The following TENM1 variants were observed in gnomAD, a reference collection of about 807,000 sequenced individuals.
The protein encoded by TENM1 is teneurin-1.
TENM1 carries 35 observed loss-of-function variants against 174.8 expected under a neutral mutation model. That is an observed-to-expected ratio of 0.20 (90% confidence interval 0.15 to 0.27). TENM1 has a LOEUF of 0.27. TENM1 is among the 10% of genes least tolerant of loss of function. The pLI is 1.00. For synonymous variants in TENM1, 781 were observed against 798.7 expected (o/e 0.98, Z 0.37); for missense variants, 1,633 against 2,130.1 (o/e 0.77, Z 4.59).
chrX:124,633,172 T>G (rs1241190741), intron 11 of TENM1, among the ~76,000 whole-genome samples: 1 of 112,115 alleles, frequency 8.9e-6, no homozygotes, highest in Non-Finnish European at 1.9e-5. Flanking sequence ...GAATAAGAGT[T>G]GAAGGAAGGG....
chrX:125,155,158 C>A, the TENM1 span, among the ~76,000 whole-genome samples: 1 of 111,059 alleles, frequency 9.0e-6, no homozygotes, highest in Admixed American at 9.5e-5. Context: ...CAAAGGTTGT[C>A]CACGTCCCCA....
chrX:125,173,163 G>A, the TENM1 span, among the ~76,000 whole-genome samples: 1 of 111,363 alleles, frequency 9.0e-6, no homozygotes, highest in Non-Finnish European at 1.9e-5. Context: ...TTTATAAACA[G>A]ACATGAAAAC....
At chrX:124,403,874 G>C (rs1490291351) in intron 27 of TENM1, among the ~76,000 whole-genome samples, 2 of 111,047 alleles carry the variant, frequency 1.8e-5, no homozygotes, top group African/African-American at 6.6e-5. Flanking sequence ...CCTGCTACCT[G>C]CTCTGCCCTG....
the TENM1 span, among the ~76,000 whole-genome samples, chrX:125,200,654 TGA>T: frequency 6.2e-4 from 57 of 92,289 alleles, no homozygotes; most frequent in African/African-American, 1.5e-3. Flanking sequence ...TGTGTGTGTG[TGA>T]GAGAGAGAGA....
At chrX:124,815,788 A>AAACAATCTG (rs745406650) in intron 3 of TENM1, among the ~76,000 whole-genome samples, 36 of 111,642 alleles carry the variant, frequency 3.2e-4, no homozygotes, top group African/African-American at 1.1e-3. Context: ...TTATTGAATG[A>AAACAATCTG]AACAATCTGA....
At chrX:124,425,061 C>T (rs932521711) in intron 23 of TENM1, among the ~76,000 whole-genome samples, 4 of 111,775 alleles carry the variant, frequency 3.6e-5, no homozygotes, top group Non-Finnish European at 5.6e-5. Flanking sequence ...TATGTTGCCA[C>T]AAATGACAGA....
intron 14 of TENM1, among the ~76,000 whole-genome samples, chrX:124,547,811 A>G (rs552229128): frequency 8.9e-6 from 1 of 112,058 alleles, no homozygotes; most frequent in African/African-American, 3.2e-5. Context: ...CATGCCTAAC[A>G]GCAGTTTTTT....
At chrX:124,973,267 T>G in the TENM1 span, among the ~76,000 whole-genome samples, 76 of 111,597 alleles carry the variant, frequency 6.8e-4, no homozygotes, top group African/African-American at 2.4e-3. Context: ...GTCTATATAT[T>G]TGTTTTGGTA....
chrX:125,177,760 C>G, the TENM1 span, among the ~76,000 whole-genome samples: 1 of 111,649 alleles, frequency 9.0e-6, no homozygotes, highest in African/African-American at 3.2e-5. Context: ...CAAGAAACTA[C>G]AAGAGCCATT....
rs760168966 is a variant in TENM1, at chrX:124,755,317, C to CT, written c.536-18121dup. On this transcript the variant is annotated intron_variant, in intron 3 of 31. Coordinates refer to ENST00000422452, the Ensembl canonical transcript of TENM1. ...CAGAGACTAGGATGGCAATCCCGGCCTTTTTTTGTTTTCCATTTGCTTGGT... is the reference window on the plus strand; with the variant it reads ...CAGAGACTAGGATGGCAATCCCGGCCTTTTTTTTGTTTTCCATTTGCTTGGT... Among the ~76,000 whole-genome samples, 340 of 110,667 alleles carry CT rather than the reference C, an allele frequency of 3.1e-3. 5 individuals are homozygous for CT. The highest frequency in any genetic ancestry group is 0.011 in the African/African-American group (331 of 30,269).
chrX:124,491,204 C>T (rs181813061), intron 20 of TENM1, among the ~76,000 whole-genome samples: 8 of 111,917 alleles, frequency 7.1e-5, no homozygotes, highest in African/African-American at 6.5e-5. Flanking sequence ...AAAGATGCAA[C>T]GGATCTTGAG....
chrX:125,025,554 C>T, the TENM1 span, among the ~76,000 whole-genome samples: 6 of 111,236 alleles, frequency 5.4e-5, no homozygotes, highest in Non-Finnish European at 1.1e-4. Context: ...CAGAAGCATG[C>T]GGTGTTACCC....
intron 20 of TENM1, among the ~76,000 whole-genome samples, chrX:124,496,335 A>G (rs974897620): frequency 5.2e-4 from 58 of 111,952 alleles, no homozygotes; most frequent in African/African-American, 1.8e-3. Context: ...GAAAGGGAAG[A>G]AATAAGTGAA....
At chrX:124,655,808 G>C (rs895738225) in intron 6 of TENM1, among the ~76,000 whole-genome samples, 9 of 112,013 alleles carry the variant, frequency 8.0e-5, no homozygotes, top group Admixed American at 7.6e-4. Flanking sequence ...AATAAAATAG[G>C]CTCTTTGAAA....
chrX:125,010,304 G>A, the TENM1 span, among the ~76,000 whole-genome samples: 1 of 110,190 alleles, frequency 9.1e-6, no homozygotes, highest in Non-Finnish European at 1.9e-5. Context: ...ATAATACCTA[G>A]GAATACAGCT....
intron 4 of TENM1, among the ~76,000 whole-genome samples, chrX:124,707,665 G>A (rs1188799550): frequency 5.4e-5 from 6 of 111,789 alleles, no homozygotes; most frequent in African/African-American, 2.0e-4. Flanking sequence ...CCACAGTTCC[G>A]ATAAATCTCC....
the TENM1 span, among the ~76,000 whole-genome samples, chrX:125,012,498 G>A: frequency 5.4e-5 from 6 of 111,846 alleles, no homozygotes; most frequent in Admixed American, 9.5e-5. Context: ...ATTTAGCATC[G>A]TACTTTAGAA....
At chrX:124,760,962 C>T (rs2054396529) in intron 3 of TENM1, among the ~76,000 whole-genome samples, 1 of 112,144 alleles carries the variant, frequency 8.9e-6, no homozygotes, top group Non-Finnish European at 1.9e-5. Context: ...CATCACTGGT[C>T]ATCGGAGAAA....
chrX:124,405,507 C>T (rs2060453209), intron 26 of TENM1, among the ~76,000 whole-genome samples: 1 of 111,727 alleles, frequency 9.0e-6, no homozygotes, highest in Admixed American at 9.5e-5. Flanking sequence ...TTGTCTAACA[C>T]TGCAGGCTGT....
Sources: allele counts gnomAD v4.1 joint callset (sites outside exome capture counted in the v4.1 genomes callset), GRCh38; gene constraint gnomAD v4.1.1; transcripts MANE v1.5; gene names NCBI Gene and HGNC (gene_info 2026-07-23, HGNC 2026-07-21).